The following FGD6 variants were observed in gnomAD, a reference collection of about 807,000 sequenced individuals.
The protein encoded by FGD6 is FYVE, RhoGEF and PH domain containing 6, also known as FYVE, RhoGEF and PH domain-containing protein 6.
FGD6 carries 90 observed loss-of-function variants against 149.4 expected under a neutral mutation model. That is an observed-to-expected ratio of 0.60 (90% CI 0.51 to 0.72). The LOEUF (loss-of-function observed/expected upper bound fraction) is 0.72. FGD6 is among the 30% of genes least tolerant of loss of function. The pLI, the probability that FGD6 is intolerant of heterozygous loss-of-function variation, is 0.00. For synonymous variants in FGD6, 527 were observed against 584.0 expected, an observed-to-expected ratio of 0.90 and a Z score of 1.41; for missense variants, 1,437 against 1,684.8, an observed-to-expected ratio of 0.85 and a Z score of 2.57.
At chr12:95,184,213 C>T (rs1170580169) in intron 2 of FGD6, among the ~76,000 whole-genome samples, 4 of 152,176 alleles carry the variant, frequency 2.6e-5, no homozygotes, top group Non-Finnish European at 5.9e-5. Context: ...GTTATTTTAT[C>T]TAAACCTATT....
intron 20 of FGD6, among the ~76,000 whole-genome samples, chr12:95,083,012 A>AAAATAT (rs68032073): frequency 1.0e-4 from 2 of 20,030 alleles, no homozygotes; most frequent in African/African-American, 3.0e-4. Flanking sequence ...AAAAAAAAAA[A>AAAATAT]ATATATATAT....
rs2136227604 is a variant in FGD6, at chr12:95,079,160, C to T, written c.*2360G>A. 6.6e-6 allele frequency: 1 copy of T among 152,218 alleles called. No homozygotes were observed. Among genetic ancestry groups the T allele is most frequent in the Middle Eastern group, 3.4e-3 (1 of 294 alleles). 9.4% of individuals were successfully genotyped at this position (152,218 alleles called of 1,614,324 possible). A position where few individuals can be genotyped will look rare whatever the true frequency, so the allele number is the denominator to read the frequency against. ...GTCAGCTTTAGTAAGTTATGAAGGACTCATAAAGGGGCAGGGGAATGTAAT... is the reference window on the plus strand; with the variant it reads ...GTCAGCTTTAGTAAGTTATGAAGGATTCATAAAGGGGCAGGGGAATGTAAT... On this transcript the variant is annotated 3_prime_UTR_variant, in exon 21 of 21. Transcript: ENST00000343958.
At chr12:95,125,826 A>G (rs1295018091) in intron 8 of FGD6, 2 of 981,688 alleles carry the variant, frequency 2.0e-6, no homozygotes, top group African/African-American at 3.2e-5. Context: ...TCATGCTGGA[A>G]AATTCATTGT....
intron 8 of FGD6, among the ~76,000 whole-genome samples, chr12:95,114,722 C>CA (rs1321107819): frequency 6.6e-6 from 1 of 152,114 alleles, no homozygotes; most frequent in Non-Finnish European, 1.5e-5. Context: ...AATTTCAAGG[C>CA]AATACTTCCT....
At chr12:95,149,703 T>C (rs1163455159) in intron 5 of FGD6, among the ~76,000 whole-genome samples, 1 of 145,180 alleles carries the variant, frequency 6.9e-6, no homozygotes, top group Non-Finnish European at 1.5e-5. Flanking sequence ...TTGTTGAGTG[T>C]CAAGCTTATT....
chr12:95,131,200 C>G (rs1380366467), intron 8 of FGD6, among the ~76,000 whole-genome samples: 1 of 151,384 alleles, frequency 6.6e-6, no homozygotes, highest in Non-Finnish European at 1.5e-5. Flanking sequence ...CAACCTCTGC[C>G]TCTCGGGTTC....
rs752361864 is a variant in FGD6, at chr12:95,209,117, C to A, written c.2167G>T (p.Asp723Tyr). 6.2e-7 allele frequency: 1 copy of A among 1,614,178 alleles called. No individual in the cohort carries two copies. Among genetic ancestry groups the A allele is most frequent in the African/African-American group, 1.3e-5 (1 of 75,050 alleles). Residue 723 changes from aspartate (D) to tyrosine (Y), a missense_variant, in exon 2 of 21, where the codon GAT becomes TAT. Coordinates refer to ENST00000343958, the MANE Select transcript of FGD6 (RefSeq NM_018351.4). ...GACTCCCGGGAGAGCATTTGGTCAT[C>A]CAAAGACTCAGCTCTCAGACCATTA... ...AANGLRAESL[D>Y]DQMLSRESSS...
At chr12:95,159,504 A>G (rs79806621) in intron 3 of FGD6, among the ~76,000 whole-genome samples, 2,744 of 152,336 alleles carry the variant, frequency 0.018, 82 homozygotes, top group African/African-American at 0.061. Context: ...ATATTCGCAA[A>G]TCATGATTCT....
At chr12:95,174,406 T>C (rs906458623) in intron 2 of FGD6, among the ~76,000 whole-genome samples, 3 of 152,156 alleles carry the variant, frequency 2.0e-5, no homozygotes, top group African/African-American at 7.2e-5. Flanking sequence ...CAACACATGT[T>C]CAATTTCCAA....
Position 95,095,671 on chromosome 12 carries a change from T to TA in FGD6, c.3498-978dup, listed in dbSNP as rs111262416. ...CATCAGAATGGGATTGTGACTGTGT[T>TA]AAAAAAAAAAGTCTGTAGTTTAATT... is the stretch of plus-strand genomic sequence containing the variant. On this transcript the variant is annotated intron_variant, in intron 14 of 20. Coordinates refer to ENST00000343958, the MANE Select transcript of FGD6 (RefSeq NM_018351.4). Among the ~76,000 whole-genome samples, 953 of 148,168 alleles carry TA rather than the reference T, an allele frequency of 6.4e-3. 10 individuals are homozygous for TA. Among genetic ancestry groups the TA allele is most frequent in the African/African-American group, 0.011 (440 of 40,526 alleles).
At chr12:95,198,365 G>A (rs1341658921) in intron 2 of FGD6, among the ~76,000 whole-genome samples, 3 of 152,200 alleles carry the variant, frequency 2.0e-5, no homozygotes, top group African/African-American at 2.4e-5. Context: ...CAAAAGGGAC[G>A]AAATGGTACA....
At chr12:95,156,303 G>C (rs1467197632) in intron 3 of FGD6, among the ~76,000 whole-genome samples, 2 of 152,126 alleles carry the variant, frequency 1.3e-5, no homozygotes, top group East Asian at 3.8e-4. Flanking sequence ...TCTCAGCAAG[G>C]AACATCCCTG....
chr12:95,209,119 A>G lies in FGD6; in HGVS notation c.2165T>C (p.Leu722Ser), dbSNP rs1159108734. The change falls in exon 2 of 21, where the codon TTG becomes TCG. Residue 722 changes from leucine to serine, a missense_variant. Around this residue, in one of 2 missense-constraint regions of FGD6, gnomAD observed 1,055 missense variants for 1,146.0 expected, o/e 0.92. Coordinates refer to ENST00000343958, the MANE Select transcript of FGD6 (RefSeq NM_018351.4). ...SAANGLRAES[L>S]DDQMLSRESS... The stretch of plus-strand genomic sequence containing the variant: ...CTCCCGGGAGAGCATTTGGTCATCC[A>G]AAGACTCAGCTCTCAGACCATTAGC... 1 of 1,614,176 alleles carries G rather than the reference A, an allele frequency of 6.2e-7. No individual in the cohort carries two copies. Among genetic ancestry groups the G allele is most frequent in the Non-Finnish European group, 8.5e-7 (1 of 1,180,028 alleles).
intron 2 of FGD6, among the ~76,000 whole-genome samples, chr12:95,206,945 G>A (rs1319105905): frequency 1.3e-5 from 2 of 151,792 alleles, no homozygotes; most frequent in East Asian, 1.9e-4. Flanking sequence ...TACTTTACTT[G>A]GTACGCTGAC....
At chr12:95,154,035 C>G (rs1206600077) in intron 3 of FGD6, among the ~76,000 whole-genome samples, 2 of 152,026 alleles carry the variant, frequency 1.3e-5, no homozygotes, top group African/African-American at 4.8e-5. Context: ...TCTCAGCTCA[C>G]TGCAACCTCT....
chr12:95,197,020 A>G (rs1454561802), intron 2 of FGD6, among the ~76,000 whole-genome samples: 1 of 152,208 alleles, frequency 6.6e-6, no homozygotes, highest in African/African-American at 2.4e-5. Flanking sequence ...TTTGGGAGAC[A>G]GGGTCAGTGA....
chr12:95,168,436 G>A (rs1221700831), intron 3 of FGD6, among the ~76,000 whole-genome samples: 1 of 152,166 alleles, frequency 6.6e-6, no homozygotes, highest in Admixed American at 6.5e-5. Flanking sequence ...GGCCAATGTG[G>A]GCAGATAACC....
At chr12:95,123,034 G>A (rs920933629) in intron 8 of FGD6, among the ~76,000 whole-genome samples, 2 of 148,974 alleles carry the variant, frequency 1.3e-5, no homozygotes, top group Admixed American at 6.7e-5. Flanking sequence ...CAGCCTGAGC[G>A]ACAGAGTGAG....
intron 2 of FGD6, among the ~76,000 whole-genome samples, chr12:95,178,662 T>G (rs897635712): frequency 1.3e-5 from 2 of 152,192 alleles, no homozygotes; most frequent in Non-Finnish European, 2.9e-5. Context: ...AAATTTTAAT[T>G]TAAAAATTAA....
Sources: allele counts gnomAD v4.1 joint callset (sites outside exome capture counted in the v4.1 genomes callset), GRCh38; gene constraint gnomAD v4.1.1; regional missense constraint gnomAD v4.1.1; transcripts MANE v1.5; gene names NCBI Gene and HGNC (gene_info 2026-07-23, HGNC 2026-07-21).